RFC5: variants seen among roughly 807,000 people sequenced by gnomAD.
The protein encoded by RFC5 is A1 36 kDa subunit.
RFC5 carries 26 observed loss-of-function variants against 44.3 expected under a neutral mutation model. That is an observed-to-expected ratio of 0.59 (90% CI 0.43 to 0.81). The LOEUF is 0.81. Among genes scored for constraint, RFC5 ranks in the 40% least tolerant of loss-of-function variants. The pLI is 0.00. For missense variants in RFC5, 328 were observed against 418.6 expected (o/e 0.78, Z 1.89); for synonymous variants, 155 against 155.2 (o/e 1.00, Z 0.01).
At chr12:118,027,215 C>T in intron 8 of RFC5, 197 bp downstream of exon 8, 4 of 569,244 alleles carry the variant, frequency 7.0e-6, no homozygotes, top group Non-Finnish European at 1.3e-5. Context: ...TTGGAGGGCT[C>T]TGACCTTCAA....
intron 9 of RFC5, among the ~76,000 whole-genome samples, chr12:118,028,686 A>G (rs930444766): frequency 1.3e-5 from 2 of 151,992 alleles, no homozygotes; most frequent in Non-Finnish European, 2.9e-5. Context: ...CTATCTAGAT[A>G]TATATTCCCA....
Position 118,016,752 on chromosome 12 carries a change from G to A in RFC5, c.-76G>A. ...GTAAGTGCCAGGGTCTCAGGGTCAG[G>A]TCGCGGCTGGTCACTGTGCAGGCGC... is the stretch of plus-strand genomic sequence containing the variant. On this transcript the variant is annotated 5_prime_UTR_variant, in exon 1 of 11. Transcript: ENST00000454402. The A allele has an allele frequency of 1.6e-6, 2 of 1,252,780 alleles. No homozygotes were observed. Among genetic ancestry groups the A allele is most frequent in the East Asian group, 2.5e-5 (1 of 39,618 alleles). The allele number at this position is 1,252,780 out of a possible 1,614,324, so 77.6% of individuals were successfully genotyped here. A position where few individuals can be genotyped will look rare whatever the true frequency, so the allele number is the denominator to read the frequency against.
the RFC5 span, among the ~76,000 whole-genome samples, chr12:118,039,774 TG>T: frequency 6.6e-6 from 1 of 151,940 alleles, no homozygotes; most frequent in Non-Finnish European, 1.5e-5. Flanking sequence ...GACAGAGTCT[TG>T]TTCTGTTGCC....
At chr12:118,034,098 A>G, downstream of RFC5, 1 of 1,485,126 alleles carries the variant, frequency 6.7e-7, no homozygotes. Flanking sequence ...AAGAAATGCT[A>G]TTTCAATGCA....
chr12:118,019,047 TA>T lies in RFC5; in HGVS notation c.66-23del. 6.6e-7 allele frequency: 1 copy of T among 1,518,428 alleles called. No individual in the cohort carries two copies. The highest frequency in any genetic ancestry group is 9.1e-7 in the Non-Finnish European group (1 of 1,093,346). 94.1% of individuals were successfully genotyped at this position (1,518,428 alleles called of 1,614,324 possible). Reference sequence around the variant, plus strand: ...AATATTCTTGCATTTATATATGTCATAATACATACTAAATTGTATTTCAGGG... The same window carrying T: ...AATATTCTTGCATTTATATATGTCATATACATACTAAATTGTATTTCAGGG... On this transcript the variant is annotated intron_variant, in intron 1 of 10. Coordinates refer to ENST00000454402, the MANE Select transcript of RFC5 (RefSeq NM_007370.7). The surrounding 1 kb of genome is among the most constrained non-coding windows in gnomAD (Gnocchi z 4.2).
chr12:118,026,865 C>T lies in RFC5; in HGVS notation c.664-24C>T, dbSNP rs372299984. ...CAGCTGTGACAGCCACTGTGATCTCCCCTTTCCCCCTCTGTCTACACAGAG... is the reference window on the plus strand; with the variant it reads ...CAGCTGTGACAGCCACTGTGATCTCTCCTTTCCCCCTCTGTCTACACAGAG... On this transcript the variant is annotated intron_variant, in intron 7 of 10. Coordinates refer to ENST00000454402, the MANE Select transcript of RFC5 (RefSeq NM_007370.7). 185 of 1,608,296 alleles carry T rather than the reference C, an allele frequency of 1.2e-4. 1 individual carries two copies. The highest frequency in any genetic ancestry group is 1.0e-3 in the Middle Eastern group (6 of 5,860).
intron 4 of RFC5, among the ~76,000 whole-genome samples, chr12:118,021,433 G>A (rs1428616453): frequency 1.3e-5 from 2 of 151,710 alleles, no homozygotes; most frequent in African/African-American, 4.8e-5. Context: ...GGCTGGTCTC[G>A]AACTCCTGAG....
At chr12:118,028,478 T>A (rs561299897) in intron 9 of RFC5, among the ~76,000 whole-genome samples, 2 of 144,492 alleles carry the variant, frequency 1.4e-5, no homozygotes, top group East Asian at 2.1e-4. Flanking sequence ...AGCTAGAGTT[T>A]GTCTCAAAAA....
chr12:118,029,611 G>A (rs1394606066), intron 9 of RFC5, among the ~76,000 whole-genome samples, 160 bp from the exon 10 acceptor site: 1 of 152,012 alleles, frequency 6.6e-6, no homozygotes, highest in African/African-American at 2.4e-5. Flanking sequence ...TATGAAACCA[G>A]CACTGTTTCT....
chr12:118,034,725 C>T, downstream of RFC5: 1 of 530,504 alleles, frequency 1.9e-6, no homozygotes, highest in South Asian at 2.6e-5. Flanking sequence ...TATTATGCAT[C>T]ATCTCAATTT....
At chr12:118,029,921 TA>T (rs1393889211) in intron 10 of RFC5, 96 bp downstream of exon 10, 5 of 930,312 alleles carry the variant, frequency 5.4e-6, no homozygotes, top group Non-Finnish European at 8.8e-6. Flanking sequence ...GTTTTTTTCC[TA>T]AATCGTTCAC....
rs2030365670 is a variant in RFC5 at position 118,019,866 on chromosome 12, C to T, written c.267+98C>T. The T allele has an allele frequency of 4.1e-6, 4 of 970,874 alleles. No individual in the cohort carries two copies. In the East Asian group the frequency reaches 9.9e-5, roughly 24 times the overall value. The allele number at this position is 970,874 out of a possible 1,614,324, so 60.1% of individuals were successfully genotyped here. A position where few individuals can be genotyped will look rare whatever the true frequency, so the allele number is the denominator to read the frequency against. ...TATTTTACTTTAAAAGTAAGTTGCCCCACGGACAGTTAGGAAAGAAGTAAA... is the reference window on the plus strand; with the variant it reads ...TATTTTACTTTAAAAGTAAGTTGCCTCACGGACAGTTAGGAAAGAAGTAAA... On this transcript the variant is annotated intron_variant, in intron 3 of 10. Transcript: ENST00000454402. The surrounding 1 kb of genome is among the most constrained non-coding windows in gnomAD (Gnocchi z 4.2).
At chr12:118,022,975 G>C (rs1237932496) in intron 5 of RFC5, among the ~76,000 whole-genome samples, 1 of 152,180 alleles carries the variant, frequency 6.6e-6, no homozygotes, top group Non-Finnish European at 1.5e-5. Flanking sequence ...AGTCACTGGT[G>C]TTCAACCTCC....
chr12:118,034,940 A>T (rs756494714), downstream of RFC5: 1 of 1,574,128 alleles, frequency 6.4e-7, no homozygotes, highest in South Asian at 1.1e-5. Context: ...TCCATGGTAT[A>T]CTCAGCAGAA....
chr12:118,027,966 G>C lies in RFC5; in HGVS notation c.807G>C (p.Leu269Phe), dbSNP rs757110140. The C allele has an allele frequency of 1.4e-5, 23 of 1,604,980 alleles. No homozygotes were observed. In the East Asian group the frequency reaches 4.9e-4, roughly 34 times the overall value. Residue 269 changes from leucine (L) to phenylalanine (F), a missense_variant, in exon 9 of 11, where the codon TTG becomes TTC. By Grantham distance (22) the Leu-to-Phe change is conservative (BLOSUM62 0). Coordinates refer to ENST00000454402, the MANE Select transcript of RFC5 (RefSeq NM_007370.7). ...CTGCTCCTCTAGATATTACAGAGTT[G>C]AAAACTCTGAAGGGGTTGGCACTGC... The part of the protein sequence containing the change: ...FTTAYRNITE[L>F]KTLKGLALHD...
the RFC5 span, chr12:118,038,371 A>G: frequency 6.2e-7 from 1 of 1,614,176 alleles, no homozygotes. Flanking sequence ...TGGCCCGATA[A>G]CACTTGAATC....
intron 10 of RFC5, 107 bp downstream of exon 10, chr12:118,029,932 C>G: frequency 1.2e-6 from 1 of 824,704 alleles, no homozygotes; most frequent in Non-Finnish European, 2.1e-6. Context: ...AAATCGTTCA[C>G]ATACGGTACA....
intron 4 of RFC5, 98 bp downstream of exon 4, chr12:118,021,083 G>T: frequency 1.6e-6 from 1 of 615,752 alleles, no homozygotes. Context: ...TATATGGGTT[G>T]AAAAAAAAAG....
At chr12:118,036,848 ATGAAGACC>A (rs1317237464), downstream of RFC5, among the ~76,000 whole-genome samples, 1 of 152,196 alleles carries the variant, frequency 6.6e-6, no homozygotes, top group Non-Finnish European at 1.5e-5. Context: ...GTATGTGCTG[ATGAAGACC>A]TGAGCCAAGT....
Sources: allele counts gnomAD v4.1 joint callset (sites outside exome capture counted in the v4.1 genomes callset), GRCh38; gene constraint gnomAD v4.1.1; non-coding constraint Gnocchi (gnomAD v3.1); transcripts MANE v1.5; gene names NCBI Gene and HGNC (gene_info 2026-07-23, HGNC 2026-07-21).